Variants in SLC25A26 observed in about 807,000 individuals in gnomAD.
The protein encoded by SLC25A26 is solute carrier family 25 member 26.
SLC25A26 carries 36 observed loss-of-function variants against 37.8 expected under a neutral mutation model. That is an observed-to-expected ratio of 0.95 (90% confidence interval 0.73 to 1.26). The LOEUF is 1.26. SLC25A26 is among the 50% of genes most tolerant of loss of function. The pLI, the probability that SLC25A26 is intolerant of heterozygous loss-of-function variation, is 0.00. For synonymous variants in SLC25A26, 129 were observed against 122.5 expected (o/e 1.05, Z -0.35); for missense variants, 390 against 331.1 (o/e 1.18, Z -1.38).
chr3:66,221,223 G>A (rs928459173), intron 1 of SLC25A26, 96 bp downstream of exon 1: 1 of 1,316,184 alleles, frequency 7.6e-7, no homozygotes, highest in Non-Finnish European at 1.0e-6. Flanking sequence ...CCGGTTTTGC[G>A]GGCTGGACTG....
intron 5 of SLC25A26, among the ~76,000 whole-genome samples, chr3:66,270,984 C>T (rs2073937331): frequency 6.6e-6 from 1 of 152,136 alleles, no homozygotes; most frequent in Admixed American, 6.6e-5. Flanking sequence ...CCATGTTGTC[C>T]TGAAGGGGCA....
intron 6 of SLC25A26, among the ~76,000 whole-genome samples, chr3:66,361,775 C>T (rs910230900): frequency 6.6e-6 from 1 of 152,068 alleles, no homozygotes; most frequent in Non-Finnish European, 1.5e-5. Context: ...ACCAGCCTGG[C>T]CAACATGGTG....
chr3:66,160,164 G>A (rs559980023), intron 1 of SLC25A26, among the ~76,000 whole-genome samples: 22 of 152,008 alleles, frequency 1.4e-4, no homozygotes, highest in Admixed American at 1.1e-3. Flanking sequence ...CACCACACCT[G>A]GTTAATTTTT....
intron 5 of SLC25A26, among the ~76,000 whole-genome samples, chr3:66,306,667 C>T (rs1385409298): frequency 6.6e-6 from 1 of 152,090 alleles, no homozygotes; most frequent in African/African-American, 2.4e-5. Context: ...TGCCCCCAGC[C>T]CCCAACAGGC....
intron 1 of SLC25A26, among the ~76,000 whole-genome samples, chr3:66,196,063 G>A (rs2106803025): frequency 6.6e-6 from 1 of 152,240 alleles, no homozygotes; most frequent in East Asian, 1.9e-4. Flanking sequence ...TTTATCCTCT[G>A]CATAGACTTT....
intron 8 of SLC25A26, 85 bp from the exon 9 acceptor site, chr3:66,370,444 G>A (rs571283834): frequency 9.4e-7 from 1 of 1,063,056 alleles, no homozygotes; most frequent in East Asian, 2.5e-5. Context: ...GTGACGGGGA[G>A]CTGTGTGTCT....
chr3:66,315,615 G>A (rs1417108236), intron 5 of SLC25A26, among the ~76,000 whole-genome samples: 1 of 152,134 alleles, frequency 6.6e-6, no homozygotes, highest in Non-Finnish European at 1.5e-5. Flanking sequence ...AGAGAGTTCT[G>A]TAGGTATCTG....
intron 5 of SLC25A26, among the ~76,000 whole-genome samples, chr3:66,332,915 G>T (rs938817805): frequency 6.6e-6 from 1 of 152,088 alleles, no homozygotes; most frequent in Non-Finnish European, 1.5e-5. Flanking sequence ...TATGTGGGTG[G>T]TGTATTTTCT....
chr3:66,175,198 A>G (rs2070568377), intron 1 of SLC25A26, among the ~76,000 whole-genome samples: 1 of 149,844 alleles, frequency 6.7e-6, no homozygotes, highest in African/African-American at 2.4e-5. Flanking sequence ...ATATACACAC[A>G]CACACAGATT....
At chr3:66,257,468 C>T (rs972610579) in intron 3 of SLC25A26, among the ~76,000 whole-genome samples, 1 of 152,180 alleles carries the variant, frequency 6.6e-6, no homozygotes, top group African/African-American at 2.4e-5. Flanking sequence ...CTGCTCATTC[C>T]TCCCTGGAGT....
intron 1 of SLC25A26, among the ~76,000 whole-genome samples, chr3:66,235,219 G>T (rs996340519): frequency 6.6e-6 from 1 of 152,030 alleles, no homozygotes; most frequent in Admixed American, 6.6e-5. Context: ...GATGCTCTTC[G>T]TGTTCATATT....
At chr3:66,184,229 G>C (rs1049844221) in intron 1 of SLC25A26, among the ~76,000 whole-genome samples, 1 of 151,834 alleles carries the variant, frequency 6.6e-6, no homozygotes, top group Admixed American at 6.6e-5. Context: ...ACCTGTCTCT[G>C]ACACTGACTT....
intron 1 of SLC25A26, among the ~76,000 whole-genome samples, chr3:66,158,842 T>C (rs956736399): frequency 1.3e-5 from 2 of 152,058 alleles, no homozygotes; most frequent in East Asian, 1.9e-4. Flanking sequence ...AGAGGAGATA[T>C]AGTAAAGCCC....
chr3:66,346,017 A>AC (rs959109957), intron 5 of SLC25A26, among the ~76,000 whole-genome samples: 1 of 152,094 alleles, frequency 6.6e-6, no homozygotes, highest in Non-Finnish European at 1.5e-5. Flanking sequence ...ACATGGTGAA[A>AC]CCCCATCTCT....
chr3:66,261,394 G>A (rs1258767663), intron 3 of SLC25A26, among the ~76,000 whole-genome samples: 2 of 152,218 alleles, frequency 1.3e-5, no homozygotes, highest in East Asian at 1.9e-4. Flanking sequence ...CCTTAATATA[G>A]GGTAAGGTAA....
At position 66,306,063 on chromosome 3, in the gene SLC25A26, T is replaced by G. The variant is rs79452698; in HGVS notation, c.454-40301T>G. Among the ~76,000 whole-genome samples the G allele has an allele frequency of 6.0e-3, 919 of 152,174 alleles. 11 individuals are homozygous for G. Among genetic ancestry groups the G allele is most frequent in the African/African-American group, 0.021 (888 of 41,518 alleles). On this transcript the variant is annotated intron_variant, in intron 5 of 9. Coordinates refer to ENST00000354883, the MANE Select transcript of SLC25A26 (RefSeq NM_001379210.1). Reference sequence around the variant, plus strand: ...GCAGTGGCACTAACATGACTCACTTTAACCTCTGCCTGCCAATTTCAAGCA... The same window carrying G: ...GCAGTGGCACTAACATGACTCACTTGAACCTCTGCCTGCCAATTTCAAGCA...
intron 5 of SLC25A26, among the ~76,000 whole-genome samples, chr3:66,311,472 C>T (rs115986437): frequency 0.012 from 1,755 of 152,120 alleles, 14 homozygotes; most frequent in Non-Finnish European, 0.019. Context: ...TTATTACCCA[C>T]CTTCTGAAGT....
chr3:66,261,112 C>G (rs2073511753), intron 3 of SLC25A26, among the ~76,000 whole-genome samples: 1 of 152,212 alleles, frequency 6.6e-6, no homozygotes, highest in South Asian at 2.1e-4. Flanking sequence ...AGCGACCTTC[C>G]TGTCTCGGCT....
rs71105977 is a variant in SLC25A26 at position 66,281,996 on chromosome 3, A to ATTTT, written c.453+18640_453+18643dup. 8.9e-3 allele frequency among the ~76,000 whole-genome samples: 577 copies of ATTTT among 64,474 alleles called. 123 individuals carry two copies. The highest frequency in any genetic ancestry group is 0.042 in the African/African-American group (550 of 12,984). The allele number at this position is 64,474 out of a possible 152,430, so 42.3% of individuals were successfully genotyped here. A position where few individuals can be genotyped will look rare whatever the true frequency, so the allele number is the denominator to read the frequency against. Reference sequence around the variant, plus strand: ...CACCACCACACCCAACTGATTTTGCATTTTTTTTTTTTTTTTTTTTTTTTT... The same window carrying ATTTT: ...CACCACCACACCCAACTGATTTTGCATTTTTTTTTTTTTTTTTTTTTTTTTTTTT... On this transcript the variant is annotated intron_variant, in intron 5 of 9. Transcript: ENST00000354883.
Sources: allele counts gnomAD v4.1 joint callset (sites outside exome capture counted in the v4.1 genomes callset), GRCh38; gene constraint gnomAD v4.1.1; transcripts MANE v1.5; gene names NCBI Gene and HGNC (gene_info 2026-07-23, HGNC 2026-07-21).